PHYHIPL: variants seen among roughly 807,000 people sequenced by gnomAD.
PHYHIPL encodes phytanoyl-CoA 2-hydroxylase interacting protein like, also known as phytanoyl-CoA hydroxylase-interacting protein-like.
In PHYHIPL, 9 loss-of-function variants were observed where a neutral mutation model predicts 33.4. The ratio of observed to expected loss-of-function variants is 0.27; its 90% CI spans 0.16 to 0.47. The LOEUF (loss-of-function observed/expected upper bound fraction) is 0.47, where lower values mean the gene tolerates loss of function less well. Ranked by LOEUF, PHYHIPL falls within the 20% of genes least tolerant of loss-of-function variation. PHYHIPL has a pLI of 0.99. For missense variants in PHYHIPL, 365 were observed against 460.7 expected (o/e 0.79, Z 1.90); for synonymous variants, 153 against 154.1 (o/e 0.99, Z 0.05).
intron 1 of PHYHIPL, among the ~76,000 whole-genome samples, chr10:59,198,390 T>C (rs1269287745): frequency 6.6e-6 from 1 of 152,198 alleles, no homozygotes; most frequent in East Asian, 1.9e-4. Context: ...AACTCATCAT[T>C]TTTTATGGCT....
At chr10:59,185,904 A>G (rs1351904057) in intron 1 of PHYHIPL, among the ~76,000 whole-genome samples, 3 of 151,992 alleles carry the variant, frequency 2.0e-5, no homozygotes, top group Admixed American at 6.6e-5. Flanking sequence ...ATTTTCTCCC[A>G]TTCTGTATGT....
chr10:59,238,874 A>AT (rs1040749243), intron 4 of PHYHIPL, 169 bp downstream of exon 4: 19 of 513,070 alleles, frequency 3.7e-5, no homozygotes, highest in African/African-American at 2.1e-4. Context: ...AGATCATGGG[A>AT]TTTTTTTCTA....
At chr10:59,227,887 C>CT (rs1286340917) in intron 1 of PHYHIPL, among the ~76,000 whole-genome samples, 3 of 151,014 alleles carry the variant, frequency 2.0e-5, no homozygotes, top group Non-Finnish European at 4.4e-5. Flanking sequence ...CTGTTTTGAG[C>CT]TAACTTTTGT....
chr10:59,210,693 T>G (rs757386826), intron 1 of PHYHIPL, among the ~76,000 whole-genome samples: 2 of 152,156 alleles, frequency 1.3e-5, no homozygotes, highest in Non-Finnish European at 2.9e-5. Context: ...TCATCAATGA[T>G]AGACTGGATA....
chr10:59,237,956 A>G (rs1282980634), intron 3 of PHYHIPL, among the ~76,000 whole-genome samples: 1 of 151,976 alleles, frequency 6.6e-6, no homozygotes, highest in African/African-American at 2.4e-5. Context: ...CCAATGAAGC[A>G]GTGAGTAAAC....
chr10:59,245,205 A>G lies in PHYHIPL; in HGVS notation c.745A>G (p.Arg249Gly). 6.2e-7 allele frequency: 1 copy of G among 1,614,196 alleles called. No homozygotes were observed. The highest frequency in any genetic ancestry group is 8.5e-7 in the Non-Finnish European group (1 of 1,180,030). Reference protein sequence around the residue: ...GKPPQDSPYGRYRFEIAAEKL... With the variant: ...GKPPQDSPYGGYRFEIAAEKL... Reference sequence around the variant, plus strand: ...GCCACCCCAGGATTCACCTTATGGAAGATACAGGTTTGAGATTGCCGCAGA... The same window carrying G: ...GCCACCCCAGGATTCACCTTATGGAGGATACAGGTTTGAGATTGCCGCAGA... Residue 249 changes from arginine (R) to glycine (G), a missense_variant, in exon 5 of 5, where the codon AGA becomes GGA. Transcript: ENST00000373880.
intron 1 of PHYHIPL, among the ~76,000 whole-genome samples, chr10:59,184,595 C>A (rs1017501516): frequency 6.6e-6 from 1 of 151,152 alleles, no homozygotes; most frequent in East Asian, 1.9e-4. Context: ...TATACCATTG[C>A]ATCTGATAGG....
chr10:59,180,023 C>G (rs1295772500), intron 1 of PHYHIPL, among the ~76,000 whole-genome samples: 1 of 151,694 alleles, frequency 6.6e-6, no homozygotes, highest in Non-Finnish European at 1.5e-5. Flanking sequence ...ATTTTTGTTT[C>G]TCCATCTCTG....
At chr10:59,175,321 A>G (rs1050546528), upstream of PHYHIPL, among the ~76,000 whole-genome samples, 4 of 152,204 alleles carry the variant, frequency 2.6e-5, no homozygotes, top group African/African-American at 9.7e-5. Flanking sequence ...AATTGTGCCA[A>G]GATTTTTCAC....
At chr10:59,238,773 C>T in intron 4 of PHYHIPL, 68 bp downstream of exon 4, 1 of 976,166 alleles carries the variant, frequency 1.0e-6, no homozygotes, top group Admixed American at 2.0e-5. Context: ...CTCAGGTTTC[C>T]CTTGACTCTA....
intron 1 of PHYHIPL, among the ~76,000 whole-genome samples, chr10:59,228,136 C>G (rs1839980909): frequency 6.6e-6 from 1 of 151,774 alleles, no homozygotes; most frequent in South Asian, 2.1e-4. Context: ...AGATATGCCC[C>G]CAAATGTACT....
At chr10:59,177,011 C>CG (rs1363474054) in intron 1 of PHYHIPL, 52 bp downstream of exon 1, 2 of 1,523,628 alleles carry the variant, frequency 1.3e-6, no homozygotes, top group Non-Finnish European at 1.8e-6. Flanking sequence ...GCCGAGGCGC[C>CG]GGGGCCACTC....
chr10:59,209,758 A>G (rs1839393351), intron 1 of PHYHIPL, among the ~76,000 whole-genome samples: 1 of 152,202 alleles, frequency 6.6e-6, no homozygotes, highest in Non-Finnish European at 1.5e-5. Context: ...CCTCAGAAAT[A>G]ACACCACACA....
intron 1 of PHYHIPL, among the ~76,000 whole-genome samples, chr10:59,220,398 A>C (rs1393272199): frequency 6.6e-6 from 1 of 151,926 alleles, no homozygotes; most frequent in African/African-American, 2.4e-5. Context: ...CTCTATTCCT[A>C]CTCCACTAAA....
At position 59,246,932 on chromosome 10, in the gene PHYHIPL, T is replaced by C. The variant is rs550806684; in HGVS notation, c.*1341T>C. 4.1e-5 allele frequency: 11 copies of C among 267,726 alleles called. 1 individual carries two copies. The South Asian group carries it at 1.7e-3, about 42-fold the overall frequency. 16.6% of individuals were successfully genotyped at this position (267,726 alleles called of 1,614,324 possible). A position where few individuals can be genotyped will look rare whatever the true frequency, so the allele number is the denominator to read the frequency against. On this transcript the variant is annotated 3_prime_UTR_variant, in exon 5 of 5. Transcript: ENST00000373880. ...TTTTAATATAAACATCTGTCAGTTATAGACAAAGATAATAATTCACAAAGT... is the reference window on the plus strand; with the variant it reads ...TTTTAATATAAACATCTGTCAGTTACAGACAAAGATAATAATTCACAAAGT...
rs10530291 is a variant in PHYHIPL, at chr10:59,227,975, G to GAGAGATATATATATATATATATAT, written c.107-6328_107-6327insGAGATATATATATATATATATATA. ...TAAGATTTTAATTTTTGCCTATTGA[G>GAGAGATATATATATATATATATAT]ATATATATATATGTTTTAAATAACA... is the stretch of plus-strand genomic sequence containing the variant. On this transcript the variant is annotated intron_variant, in intron 1 of 4. Transcript: ENST00000373880. 5.5e-4 allele frequency among the ~76,000 whole-genome samples: 80 copies of GAGAGATATATATATATATATATAT among 145,560 alleles called. 1 individual carries two copies. Among genetic ancestry groups the GAGAGATATATATATATATATATAT allele is most frequent in the South Asian group, 2.2e-3 (10 of 4,534 alleles).
intron 1 of PHYHIPL, among the ~76,000 whole-genome samples, chr10:59,180,281 C>T (rs1200473432): frequency 5.4e-5 from 7 of 130,024 alleles, no homozygotes; most frequent in African/African-American, 1.8e-4. Context: ...CACACACATA[C>T]ACACACATAT....
At chr10:59,177,686 A>G (rs1838290966) in intron 1 of PHYHIPL, 2 of 1,515,180 alleles carry the variant, frequency 1.3e-6, no homozygotes, top group Non-Finnish European at 9.0e-7. Context: ...CTCCTGTGGA[A>G]GGAAATTGAT....
intron 1 of PHYHIPL, among the ~76,000 whole-genome samples, chr10:59,195,039 T>C (rs1838873792): frequency 2.0e-5 from 3 of 151,980 alleles, no homozygotes; most frequent in Admixed American, 6.6e-5. Context: ...GAAAGAAAAG[T>C]GTGGAATATA....
Sources: gnomAD v4.1 joint callset for allele counts (sites outside exome capture counted in the v4.1 genomes callset) on GRCh38, gnomAD v4.1.1 for gene constraint, MANE v1.5 for transcripts, NCBI Gene and HGNC (gene_info 2026-07-23, HGNC 2026-07-21) for gene names.